SLC25A13: variants seen among roughly 807,000 people sequenced by gnomAD.
SLC25A13 encodes electrogenic aspartate/glutamate antiporter SLC25A13, mitochondrial.
A neutral mutation model predicts 85.5 loss-of-function variants in SLC25A13; 70 were observed. That is an observed-to-expected ratio of 0.82 (90% CI 0.68 to 1.00). The LOEUF (loss-of-function observed/expected upper bound fraction) is 1.00, where lower values mean the gene tolerates loss of function less well. Among genes scored for constraint, SLC25A13 ranks in the 50% least tolerant of loss-of-function variants. The probability of loss-of-function intolerance (pLI) is 0.00; values close to 1 mark genes in which losing one functional copy is unlikely to be tolerated. For missense variants in SLC25A13, 765 were observed against 819.8 expected, an observed-to-expected ratio of 0.93 and a Z score of 0.82; for synonymous variants, 259 against 288.7, an observed-to-expected ratio of 0.90 and a Z score of 1.04.
At chr7:96,286,387 GCCCAAGTGTTTAGCCATTCCCT>G (rs1208261751) in intron 2 of SLC25A13, among the ~76,000 whole-genome samples, 1 of 151,698 alleles carries the variant, frequency 6.6e-6, no homozygotes, top group African/African-American at 2.4e-5. Flanking sequence ...CCCCGAGCCA[GCCCAAGTGTTTAGCCATTCCCT>G]CCACACCTGT....
intron 1 of SLC25A13, among the ~76,000 whole-genome samples, chr7:96,305,167 A>G (rs1799697630): frequency 1.3e-5 from 2 of 152,162 alleles, no homozygotes; most frequent in South Asian, 4.1e-4. Context: ...GGTACTAAAG[A>G]GTCTTAAATG....
intron 3 of SLC25A13, among the ~76,000 whole-genome samples, chr7:96,272,475 G>T (rs987862848): frequency 6.6e-6 from 1 of 152,200 alleles, no homozygotes; most frequent in East Asian, 1.9e-4. Context: ...AGTGCCCAGA[G>T]CTTTGTTCCT....
intron 2 of SLC25A13, among the ~76,000 whole-genome samples, chr7:96,277,642 A>G (rs1584552659): frequency 6.6e-6 from 1 of 152,268 alleles, no homozygotes; most frequent in South Asian, 2.1e-4. Flanking sequence ...GAGGCCAGGG[A>G]TGTTGCTAGA....
At chr7:96,215,797 G>GA (rs1054773702) in intron 4 of SLC25A13, among the ~76,000 whole-genome samples, 8 of 150,602 alleles carry the variant, frequency 5.3e-5, no homozygotes, top group African/African-American at 1.2e-4. Flanking sequence ...ACAAGCAACA[G>GA]AAAAAAAAAT....
At chr7:96,242,675 T>C (rs1797038851) in intron 3 of SLC25A13, among the ~76,000 whole-genome samples, 1 of 152,220 alleles carries the variant, frequency 6.6e-6, no homozygotes, top group Non-Finnish European at 1.5e-5. Flanking sequence ...TCCTTTCTAA[T>C]AATCCCAGGT....
chr7:96,254,524 A>G (rs150147472), intron 3 of SLC25A13, among the ~76,000 whole-genome samples: 121 of 152,312 alleles, frequency 7.9e-4, no homozygotes, highest in African/African-American at 2.9e-3. Context: ...TTACATGTAC[A>G]TTTACATGTG....
intron 2 of SLC25A13, among the ~76,000 whole-genome samples, chr7:96,291,567 T>C (rs891532608): frequency 6.6e-6 from 1 of 152,020 alleles, no homozygotes; most frequent in African/African-American, 2.4e-5. Context: ...AAGAATTAAA[T>C]AGACGCAATA....
intron 13 of SLC25A13, among the ~76,000 whole-genome samples, chr7:96,160,752 C>T (rs1430539497): frequency 6.6e-6 from 1 of 152,136 alleles, no homozygotes; most frequent in Non-Finnish European, 1.5e-5. Flanking sequence ...TCTATAGCAC[C>T]CATGAGCCCT....
At chr7:96,231,613 A>G (rs1260162795) in intron 4 of SLC25A13, among the ~76,000 whole-genome samples, 1 of 151,894 alleles carries the variant, frequency 6.6e-6, no homozygotes, top group Non-Finnish European at 1.5e-5. Context: ...AGTCCCAGGC[A>G]CTCGAGAAAC....
At chr7:96,188,395 G>A (rs1477454099) in intron 9 of SLC25A13, among the ~76,000 whole-genome samples, 1 of 152,150 alleles carries the variant, frequency 6.6e-6, no homozygotes, top group Non-Finnish European at 1.5e-5. Context: ...GGGGGCCCTG[G>A]CTCAAGGTCT....
intron 13 of SLC25A13, among the ~76,000 whole-genome samples, chr7:96,166,168 A>C (rs1015843227): frequency 5.3e-5 from 8 of 152,258 alleles, no homozygotes; most frequent in Non-Finnish European, 1.2e-4. Flanking sequence ...CTCAAAATGC[A>C]GTCAAAATGA....
rs529864234 is a variant in SLC25A13, at chr7:96,174,487, A to G, written c.1178-2963T>C. 3.3e-5 allele frequency among the ~76,000 whole-genome samples: 5 copies of G among 152,340 alleles called. No homozygotes were observed. The South Asian group carries it at 1.0e-3, about 32-fold the overall frequency. ...AGTACAACATTAATTTCTACTAGTA[A>G]TATGTGGGCATACGCCTGTTTAAAC... On this transcript the variant is annotated intron_variant, in intron 11 of 17. Coordinates refer to ENST00000265631, the MANE Select transcript of SLC25A13 (RefSeq NM_014251.3).
chr7:96,268,866 G>T (rs1339662291), intron 3 of SLC25A13, among the ~76,000 whole-genome samples: 1 of 152,128 alleles, frequency 6.6e-6, no homozygotes, highest in Non-Finnish European at 1.5e-5. Flanking sequence ...CTTTACAACT[G>T]CTGTTCCCTC....
At chr7:96,290,083 G>A (rs1025575482) in intron 2 of SLC25A13, among the ~76,000 whole-genome samples, 1 of 152,110 alleles carries the variant, frequency 6.6e-6, no homozygotes, top group Non-Finnish European at 1.5e-5. Flanking sequence ...CTGATCTCCC[G>A]ACAGATCTCT....
chr7:96,257,252 CA>C (rs1180636678), intron 3 of SLC25A13, among the ~76,000 whole-genome samples: 4 of 151,384 alleles, frequency 2.6e-5, no homozygotes, highest in Admixed American at 6.6e-5. Flanking sequence ...AAATACCCTT[CA>C]AAAAAAATCA....
chr7:96,321,015 C>T (rs1800318840), intron 1 of SLC25A13, among the ~76,000 whole-genome samples: 1 of 152,176 alleles, frequency 6.6e-6, no homozygotes, highest in Non-Finnish European at 1.5e-5. Flanking sequence ...GATTAGAGGG[C>T]TGCCTTCGTG....
chr7:96,260,773 T>C (rs1797824436), intron 3 of SLC25A13, among the ~76,000 whole-genome samples: 1 of 152,122 alleles, frequency 6.6e-6, no homozygotes, highest in African/African-American at 2.4e-5. Context: ...AGTCTTGCCA[T>C]CACCTTTTAC....
chr7:96,306,826 G>A, intron 1 of SLC25A13: 1 of 1,396,584 alleles, frequency 7.2e-7, no homozygotes, highest in Non-Finnish European at 1.0e-6. Context: ...AGGAGATCAT[G>A]CAGCAGAAGC....
At chr7:96,278,375 T>G (rs1273892273) in intron 2 of SLC25A13, among the ~76,000 whole-genome samples, 1 of 152,190 alleles carries the variant, frequency 6.6e-6, no homozygotes, top group African/African-American at 2.4e-5. Context: ...CTCTCTAATC[T>G]GAGTTAAACC....
Sources: allele counts gnomAD v4.1 joint callset (sites outside exome capture counted in the v4.1 genomes callset), GRCh38; gene constraint gnomAD v4.1.1; transcripts MANE v1.5; gene names NCBI Gene and HGNC (gene_info 2026-07-23, HGNC 2026-07-21).